PRB2: variants seen among roughly 807,000 people sequenced by gnomAD.
PRB2 encodes proline rich protein BstNI subfamily 2.
In PRB2, 12 loss-of-function variants were observed where a neutral mutation model predicts 8.3. The observed-to-expected ratio is 1.45, with a 90% CI of 0.93 to 2.35. The LOEUF (loss-of-function observed/expected upper bound fraction) is 2.35. Among genes scored for constraint, PRB2 ranks in the 30% most tolerant of loss-of-function variants. The pLI is 0.00. For synonymous variants in PRB2, 146 were observed against 180.0 expected, an observed-to-expected ratio of 0.81 and a Z score of 1.51; for missense variants, 470 against 507.0, an observed-to-expected ratio of 0.93 and a Z score of 0.70.
rs752627145 is a variant in PRB2 at position 11,393,613 on chromosome 12, A to T, written c.465T>A (p.Pro155=). The T allele has an allele frequency of 6.5e-7, 1 of 1,533,650 alleles. No homozygotes were observed. The highest frequency in any genetic ancestry group is 8.7e-7 in the Non-Finnish European group (1 of 1,146,372). The change falls in exon 3 of 4, where the codon CCT becomes CCA. Residue 155 remains proline, a synonymous_variant. Coordinates refer to ENST00000389362, the MANE Select transcript of PRB2 (RefSeq NM_006248.4). ...QGGNKPQGPP[P]PGKPQGPPPQ... ...GGGGTGGTCCTTGTGGCTTTCCTGG[A>T]GGTGGGGGACCTTGAGGTTTGTTGC...
In PRB2 at chr12:11,393,965, C is replaced by T. The variant is rs188924826; in HGVS notation, c.113G>A (p.Gly38Glu). ...SPSLIAGNPQGAPPQGGNKPQ... is the reference protein window; with the variant it reads ...SPSLIAGNPQEAPPQGGNKPQ... ...TTTGTTGCCTCCTTGTGGGGGTGCT[C>T]CTTGTGGATTTCCTGGAGAACAAAG... The change falls in exon 3 of 4, where the codon GGA (glycine) becomes GAA (glutamate). Residue 38 changes from glycine (G) to glutamate (E), a missense_variant. Physicochemically the swap from Gly to Glu is moderately conservative, Grantham distance 98 (BLOSUM62 -2). Transcript: ENST00000389362. The T allele has an allele frequency of 3.6e-5, 58 of 1,613,342 alleles. 1 individual carries two copies. The East Asian group carries it at 6.2e-4, about 17-fold the overall frequency.
chr12:11,394,228 C>T (rs1253383735), intron 2 of PRB2, among the ~76,000 whole-genome samples: 16 of 152,134 alleles, frequency 1.1e-4, no homozygotes. Flanking sequence ...GCCCATTTGT[C>T]TGTCATCTCC....
At chr12:11,394,105 A>C (rs191687359) in intron 2 of PRB2, 128 bp from the exon 3 acceptor site, 165 of 1,312,586 alleles carry the variant, frequency 1.3e-4, no homozygotes, top group Admixed American at 2.3e-4. Flanking sequence ...TGAGACCAAG[A>C]CATTAATTTC....
rs200937467 is a variant in PRB2 at position 11,393,932 on chromosome 12, C to T, written c.146G>A (p.Gly49Asp). The T allele has an allele frequency of 2.0e-4, 320 of 1,571,892 alleles. 2 individuals carry two copies. Among genetic ancestry groups the T allele is most frequent in the East Asian group, 9.0e-4 (37 of 41,280 alleles). Residue 49 changes from glycine (G) to aspartate (D), a missense_variant, in exon 3 of 4, where the codon GGT becomes GAT. By Grantham distance (94) the Gly-to-Asp change is moderately conservative (BLOSUM62 -1). Around this residue, in one of 4 missense-constraint regions of PRB2, gnomAD observed 211 missense variants for 207.7 expected, o/e 1.02. Coordinates refer to ENST00000389362, the MANE Select transcript of PRB2 (RefSeq NM_006248.4). Reference sequence around the variant, plus strand: ...TGGCTTTCCTGGAGGAGATGGGGGACCTTGAGGTTTGTTGCCTCCTTGTGG... The same window carrying T: ...TGGCTTTCCTGGAGGAGATGGGGGATCTTGAGGTTTGTTGCCTCCTTGTGG... ...APPQGGNKPQGPPSPPGKPQG... is the reference protein window; with the variant it reads ...APPQGGNKPQDPPSPPGKPQG...
At position 11,394,048 on chromosome 12, in the gene PRB2, A is replaced by G. The variant is rs112929853; in HGVS notation, c.101-71T>C. On this transcript the variant is annotated intron_variant, in intron 2 of 3. Transcript: ENST00000389362. ...AAGATTCCCTGAATAGTTGCAGTAA[A>G]TTTTTATCAGTTTGGGTAACAAGCT... 9.2e-5 allele frequency: 147 copies of G among 1,596,228 alleles called. No individual in the cohort carries two copies. The African/African-American group carries it at 1.6e-3, about 17-fold the overall frequency.
chr12:11,394,075 A>C, intron 2 of PRB2, 98 bp from the exon 3 acceptor site: 1 of 1,503,564 alleles, frequency 6.7e-7, no homozygotes, highest in Non-Finnish European at 9.2e-7. Context: ...TAACAAGCTG[A>C]GTGGGGAAAC....
chr12:11,395,477 T>C lies in PRB2; in HGVS notation c.53A>G (p.Asn18Ser). Residue 18 changes from asparagine to serine, a missense_variant, in exon 1 of 4, where the codon AAC (asparagine) becomes AGC (serine). Asn to Ser is a conservative substitution (Grantham distance 46). Transcript: ENST00000389362. Reference sequence around the variant, plus strand: ...CCCTTCTGTTTTACCTTCATTTAAGTTCTGAGCTGAGCTCAGGGCCAGCAA... The same window carrying C: ...CCCTTCTGTTTTACCTTCATTTAAGCTCTGAGCTGAGCTCAGGGCCAGCAA... ...VALLALSSAQNLNEDVSQEES... is the reference protein window; with the variant it reads ...VALLALSSAQSLNEDVSQEES... The C allele has an allele frequency of 1.9e-6, 3 of 1,613,830 alleles. No individual in the cohort carries two copies. The highest frequency in any genetic ancestry group is 1.6e-4 in the Middle Eastern group (1 of 6,062).
chr12:11,394,662 T>C, intron 1 of PRB2, 132 bp from the exon 2 acceptor site: 1 of 1,218,832 alleles, frequency 8.2e-7, no homozygotes, highest in Non-Finnish European at 1.2e-6. Context: ...AGCCACCATC[T>C]GTGAAGCTGC....
Position 11,393,390 on chromosome 12 carries a change from T to C in PRB2, c.688A>G (p.Asn230Asp), listed in dbSNP as rs763430237. The change falls in exon 3 of 4, where the codon AAC becomes GAC. Residue 230 changes from asparagine (N) to aspartate (D), a missense_variant. Coordinates refer to ENST00000389362, the MANE Select transcript of PRB2 (RefSeq NM_006248.4). ...GGAGATCGGGCACTTTGGGACTTGT[T>C]GTCTCCTTGTGGGGGTGGTCCTTGT... The part of the protein sequence containing the change: ...KPQGPPPQGD[N>D]KSQSARSPPG... 40 of 1,585,800 alleles carry C rather than the reference T, an allele frequency of 2.5e-5. 1 individual carries two copies. The highest frequency in any genetic ancestry group is 3.4e-5 in the Non-Finnish European group (40 of 1,173,116).
At chr12:11,395,323 G>C (rs1592226979) in intron 1 of PRB2, 143 bp downstream of exon 1, 1 of 957,864 alleles carries the variant, frequency 1.0e-6, no homozygotes, top group Non-Finnish European at 1.7e-6. Context: ...TGTGGAATGA[G>C]GGCACAACAA....
chr12:11,393,963 C>T lies in PRB2; in HGVS notation c.115G>A (p.Ala39Thr), dbSNP rs200441552. The stretch of plus-strand genomic sequence containing the variant: ...GGTTTGTTGCCTCCTTGTGGGGGTG[C>T]TCCTTGTGGATTTCCTGGAGAACAA... ...PSLIAGNPQG[A>T]PPQGGNKPQG... Residue 39 changes from alanine (A) to threonine (T), a missense_variant, in exon 3 of 4, where the codon GCA becomes ACA. Ala to Thr is a moderately conservative substitution (Grantham distance 58, BLOSUM62 0). This residue lies in a region of PRB2 where 211 missense variants were observed against 207.7 expected (regional missense o/e 1.02). Coordinates refer to ENST00000389362, the MANE Select transcript of PRB2 (RefSeq NM_006248.4). The T allele has an allele frequency of 4.4e-6, 7 of 1,594,014 alleles. No individual in the cohort carries two copies. Among genetic ancestry groups the T allele is most frequent in the South Asian group, 1.1e-5 (1 of 90,202 alleles).
At chr12:11,394,199 G>A (rs1334484154) in intron 2 of PRB2, among the ~76,000 whole-genome samples, 1 of 152,132 alleles carries the variant, frequency 6.6e-6, no homozygotes, top group Admixed American at 6.5e-5. Context: ...TTATAAAGAG[G>A]AGACAGAATG....
rs370784746 is a variant in PRB2, at chr12:11,393,722, T to G, written c.356A>C (p.Gln119Pro). ...GTTGCCTCCTTGTGGGGGTGGTCCT[T>G]GTGGCTTTCCTGGAGGAGATCGGGG... Reference protein sequence around the residue: ...RSPRSPPGKPQGPPPQGGNQP... With the variant: ...RSPRSPPGKPPGPPPQGGNQP... The change falls in exon 3 of 4, where the codon CAA (glutamine) becomes CCA (proline). Residue 119 changes from glutamine to proline, a missense_variant. Physicochemically the swap from Gln to Pro is moderately conservative, Grantham distance 76. Coordinates refer to ENST00000389362, the MANE Select transcript of PRB2 (RefSeq NM_006248.4). The G allele has an allele frequency of 2.5e-6, 4 of 1,596,484 alleles. No individual in the cohort carries two copies. The African/African-American group carries it at 5.5e-5, about 22-fold the overall frequency.
intron 1 of PRB2, 150 bp from the exon 2 acceptor site, chr12:11,394,680 G>A (rs1228076066): frequency 2.3e-5 from 25 of 1,087,302 alleles, no homozygotes; most frequent in African/African-American, 2.0e-4. Context: ...TGCTGGAAGG[G>A]GAGGAAGGTG....
intron 2 of PRB2, among the ~76,000 whole-genome samples, 151 bp from the exon 3 acceptor site, chr12:11,394,128 T>C (rs995851786): frequency 6.6e-6 from 1 of 152,132 alleles, no homozygotes; most frequent in South Asian, 2.1e-4. Flanking sequence ...TGCATTTCAG[T>C]GAAGACATAG....
At chr12:11,394,358 G>A (rs530434762) in intron 2 of PRB2, 137 bp downstream of exon 2, 2 of 1,107,878 alleles carry the variant, frequency 1.8e-6, no homozygotes, top group East Asian at 2.4e-5. Flanking sequence ...GTTGCATGAA[G>A]AGTGCCTATA....
chr12:11,394,649 A>C (rs1482600567), intron 1 of PRB2, 119 bp from the exon 2 acceptor site: 168 of 1,268,320 alleles, frequency 1.3e-4, no homozygotes, highest in Middle Eastern at 1.9e-4. Context: ...AAGTTAACTC[A>C]TCAGCCACCA....
At chr12:11,391,976 TCA>T (rs2136688732) in intron 3 of PRB2, among the ~76,000 whole-genome samples, 1 of 101,724 alleles carries the variant, frequency 9.8e-6, no homozygotes, top group African/African-American at 4.4e-5. Context: ...GAAACCACCC[TCA>T]GTGTCCAGTG....
chr12:11,394,556 G>A (rs756969993), intron 1 of PRB2, 26 bp from the exon 2 acceptor site: 18 of 1,611,766 alleles, frequency 1.1e-5, no homozygotes, highest in Non-Finnish European at 1.4e-5. Context: ...AGGATGATGG[G>A]AACAGTTACA....
Sources: gnomAD v4.1 joint callset for allele counts (sites outside exome capture counted in the v4.1 genomes callset) on GRCh38, gnomAD v4.1.1 for gene constraint, gnomAD v4.1.1 regional missense constraint, MANE v1.5 for transcripts, NCBI Gene and HGNC (gene_info 2026-07-23, HGNC 2026-07-21) for gene names.